The following DCX variants were observed in gnomAD, a reference collection of about 807,000 sequenced individuals.
DCX encodes the protein doublecortin, also known as neuronal migration protein doublecortin.
In DCX, 4 loss-of-function variants were observed where a neutral mutation model predicts 20.9. The observed-to-expected ratio is 0.19, with a 90% CI of 0.09 to 0.44. The LOEUF is 0.44. Among genes scored for constraint, DCX ranks in the 20% least tolerant of loss-of-function variants. DCX has a pLI of 0.99. For missense variants in DCX, 133 were observed against 296.9 expected, an observed-to-expected ratio of 0.45 and a Z score of 4.06; for synonymous variants, 103 against 111.4, an observed-to-expected ratio of 0.92 and a Z score of 0.47.
In DCX at chrX:111,295,126, G is replaced by A. The variant is rs1308814968; in HGVS notation, c.*6561C>T. The A allele has an allele frequency of 8.9e-6, 1 of 112,306 alleles. No homozygotes were observed. Among genetic ancestry groups the A allele is most frequent in the East Asian group, 2.8e-4 (1 of 3,563 alleles). The allele number at this position is 112,306 out of a possible 1,213,427, so 9.3% of individuals were successfully genotyped here. ...AGGACCATACATTGGAGACATTTTG[G>A]CATAACCTCTTACTTGTTCAAATCC... On this transcript the variant is annotated 3_prime_UTR_variant, in exon 7 of 7. Coordinates refer to ENST00000636035, the MANE Select transcript of DCX (RefSeq NM_001195553.2).
At chrX:111,340,805 G>A (rs1922156583) in intron 3 of DCX, among the ~76,000 whole-genome samples, 1 of 111,135 alleles carries the variant, frequency 9.0e-6, no homozygotes, top group Admixed American at 9.6e-5. Flanking sequence ...ACCATTGAAA[G>A]AAAAACAAAC....
chrX:111,340,000 C>G (rs1400019237), intron 3 of DCX, among the ~76,000 whole-genome samples: 1 of 112,772 alleles, frequency 8.9e-6, no homozygotes, highest in African/African-American at 3.2e-5. Flanking sequence ...CCACAAATAC[C>G]TATTCTGTGT....
intron 3 of DCX, among the ~76,000 whole-genome samples, chrX:111,365,635 C>T (rs1212257428): frequency 2.7e-5 from 3 of 109,357 alleles, no homozygotes; most frequent in Non-Finnish European, 3.8e-5. Context: ...CCCCACTACC[C>T]TTAACAGCCT....
In DCX at chrX:111,294,966, GT is replaced by G. The variant is rs1881183316; in HGVS notation, c.*6720del. The G allele has an allele frequency of 8.9e-6, 1 of 112,088 alleles. No homozygotes were observed. Among genetic ancestry groups the G allele is most frequent in the African/African-American group, 3.3e-5 (1 of 30,744 alleles). The allele number at this position is 112,088 out of a possible 1,213,427, so 9.2% of individuals were successfully genotyped here. ...GGCCATAAAAACATTTTCTGTACAAGTTTAATGGCACAAAAAGGTGATCAAA... is the reference window on the plus strand; with the variant it reads ...GGCCATAAAAACATTTTCTGTACAAGTTAATGGCACAAAAAGGTGATCAAA... On this transcript the variant is annotated 3_prime_UTR_variant, in exon 7 of 7. Transcript: ENST00000636035.
At chrX:111,369,199 T>C (rs1416420644) in intron 3 of DCX, among the ~76,000 whole-genome samples, 1 of 110,323 alleles carries the variant, frequency 9.1e-6, no homozygotes, top group Non-Finnish European at 1.9e-5. Context: ...TAAGAGTGAG[T>C]CTGCCTTTCC....
chrX:111,349,321 C>A (rs942898913), intron 3 of DCX, among the ~76,000 whole-genome samples: 2 of 111,497 alleles, frequency 1.8e-5, no homozygotes, highest in African/African-American at 6.5e-5. Flanking sequence ...CTGTACCCCC[C>A]TTCCCAGGCT....
chrX:111,310,713 G>A (rs1169715430), intron 6 of DCX, among the ~76,000 whole-genome samples: 1 of 112,396 alleles, frequency 8.9e-6, no homozygotes, highest in Non-Finnish European at 1.9e-5. Context: ...ATGAAACACT[G>A]AAAATTCCAC....
rs1446310991 is a variant in DCX at position 111,296,836 on chromosome X, G to T, written c.*4851C>A. The T allele has an allele frequency of 2.7e-5, 3 of 110,566 alleles. No individual in the cohort carries two copies. Among genetic ancestry groups the T allele is most frequent in the African/African-American group, 9.9e-5 (3 of 30,303 alleles). 9.1% of individuals were successfully genotyped at this position (110,566 alleles called of 1,213,427 possible). ...TGTCACGCTAGCTAAGCCAAAGCGG[G>T]AGGTCTGCATAGATCCTTAACAAGG... On this transcript the variant is annotated 3_prime_UTR_variant, in exon 7 of 7. Coordinates refer to ENST00000636035, the MANE Select transcript of DCX (RefSeq NM_001195553.2).
At chrX:111,410,923 G>A (rs1286790027) in intron 1 of DCX, 1 of 1,209,363 alleles carries the variant, frequency 8.3e-7, no homozygotes, top group East Asian at 3.0e-5. Flanking sequence ...TCCAGCTTAG[G>A]AAGCAGTCTT....
intron 1 of DCX, chrX:111,411,159 A>T: frequency 2.3e-6 from 1 of 436,004 alleles, no homozygotes; most frequent in Non-Finnish European, 4.0e-6. Context: ...GGGGGGAAAA[A>T]GGATTAGAAA....
At chrX:111,380,524 T>C (rs1276378653) in intron 3 of DCX, among the ~76,000 whole-genome samples, 1 of 111,854 alleles carries the variant, frequency 8.9e-6, no homozygotes, top group African/African-American at 3.2e-5. Flanking sequence ...CATTGATTTA[T>C]GTGTCTATGT....
At chrX:111,354,797 A>G (rs1052429517) in intron 3 of DCX, among the ~76,000 whole-genome samples, 1 of 112,635 alleles carries the variant, frequency 8.9e-6, no homozygotes, top group Non-Finnish European at 1.9e-5. Context: ...CTGGGATCAG[A>G]ATTCCAGTTT....
intron 3 of DCX, among the ~76,000 whole-genome samples, chrX:111,386,512 A>C (rs967630590): frequency 9.0e-6 from 1 of 111,352 alleles, no homozygotes; most frequent in Non-Finnish European, 1.9e-5. Context: ...ACCAGCTTCC[A>C]GATAGGGTTT....
At chrX:111,343,969 G>A (rs1011607878) in intron 3 of DCX, among the ~76,000 whole-genome samples, 7 of 111,158 alleles carry the variant, frequency 6.3e-5, no homozygotes, top group Non-Finnish European at 1.1e-4. Context: ...GCGACAGAAC[G>A]AGACTCCATC....
chrX:111,386,323 G>C (rs1975157542), intron 3 of DCX, among the ~76,000 whole-genome samples: 1 of 111,020 alleles, frequency 9.0e-6, no homozygotes, highest in African/African-American at 3.3e-5. Context: ...GAATGTGTGT[G>C]TGAATTTTTT....
intron 3 of DCX, among the ~76,000 whole-genome samples, chrX:111,343,765 T>C (rs769921223): frequency 9.0e-4 from 100 of 111,424 alleles, no homozygotes; most frequent in Non-Finnish European, 1.7e-3. Flanking sequence ...TCAGATCACC[T>C]GAGGTCAGGA....
At position 111,368,114 on chromosome X, in the gene DCX, C is replaced by T. The variant is rs189081542; in HGVS notation, c.705+32876G>A. Among the ~76,000 whole-genome samples the T allele has an allele frequency of 8.1e-5, 9 of 111,351 alleles. No homozygotes were observed. In the East Asian group the frequency reaches 1.7e-3, roughly 21 times the overall value. ...AGGAACAGAGGTTCTAGGTCCTAGG[C>T]CTGCCATTTCTGTTTTCAAAACAGT... On this transcript the variant is annotated intron_variant, in intron 3 of 6. Transcript: ENST00000636035.
At chrX:111,392,451 C>T (rs1927021845) in intron 3 of DCX, among the ~76,000 whole-genome samples, 1 of 111,499 alleles carries the variant, frequency 9.0e-6, no homozygotes, top group South Asian at 3.8e-4. Context: ...CAATGGAGTA[C>T]TATTCAGCCA....
chrX:111,387,265 G>T (rs1926594256), intron 3 of DCX, among the ~76,000 whole-genome samples: 1 of 111,443 alleles, frequency 9.0e-6, no homozygotes, highest in Non-Finnish European at 1.9e-5. Flanking sequence ...TAAACGTTTA[G>T]GTTGGTAAAA....
Sources: allele counts gnomAD v4.1 joint callset (sites outside exome capture counted in the v4.1 genomes callset), GRCh38; gene constraint gnomAD v4.1.1; transcripts MANE v1.5; gene names NCBI Gene and HGNC (gene_info 2026-07-23, HGNC 2026-07-21).